Variants in NXPH2 observed in about 807,000 individuals in gnomAD.
NXPH2 encodes the protein neurexophilin-2.
A neutral mutation model predicts 19.8 loss-of-function variants in NXPH2; 5 were observed. That is an observed-to-expected ratio of 0.25 (90% CI 0.13 to 0.53). NXPH2 has a LOEUF of 0.53. Among genes scored for constraint, NXPH2 ranks in the 20% least tolerant of loss-of-function variants. The pLI is 0.96. For synonymous variants in NXPH2, 154 were observed against 127.4 expected (o/e 1.21, Z -1.41); for missense variants, 289 against 322.8 (o/e 0.90, Z 0.80).
At chr2:138,746,878 A>G (rs752734832) in intron 1 of NXPH2, among the ~76,000 whole-genome samples, 3 of 152,146 alleles carry the variant, frequency 2.0e-5, no homozygotes, top group Non-Finnish European at 4.4e-5. Flanking sequence ...AGGGTTTTGA[A>G]GCAGAAGACA....
At chr2:138,720,752 A>G (rs947102734) in intron 1 of NXPH2, among the ~76,000 whole-genome samples, 8 of 152,180 alleles carry the variant, frequency 5.3e-5, no homozygotes, top group African/African-American at 1.9e-4. Flanking sequence ...TTTTCTAGTT[A>G]TAGGATCTTG....
At chr2:138,764,898 GAC>G in intron 1 of NXPH2, among the ~76,000 whole-genome samples, 1 of 152,244 alleles carries the variant, frequency 6.6e-6, no homozygotes, top group African/African-American at 2.4e-5. Context: ...GCCTACTGTA[GAC>G]ACTTAAACTA....
intron 1 of NXPH2, among the ~76,000 whole-genome samples, chr2:138,747,003 A>C (rs2105009608): frequency 6.6e-6 from 1 of 152,250 alleles, no homozygotes; most frequent in Non-Finnish European, 1.5e-5. Flanking sequence ...GTAGATAACA[A>C]CCCAAATCAA....
chr2:138,726,509 TA>T (rs1442489709), intron 1 of NXPH2, among the ~76,000 whole-genome samples: 1 of 121,194 alleles, frequency 8.3e-6, no homozygotes, highest in Admixed American at 9.7e-5. Flanking sequence ...TGGAAAAAAG[TA>T]AAAAAAGAAA....
chr2:138,723,576 C>T (rs1209813158), intron 1 of NXPH2, among the ~76,000 whole-genome samples: 3 of 152,200 alleles, frequency 2.0e-5, no homozygotes, highest in Non-Finnish European at 4.4e-5. Context: ...CTAGTCTTTT[C>T]TAGGGTGGGC....
chr2:138,685,637 C>T (rs1451465066), intron 1 of NXPH2, among the ~76,000 whole-genome samples: 6 of 152,216 alleles, frequency 3.9e-5, no homozygotes, highest in East Asian at 1.9e-4. Context: ...AATCCTCTCA[C>T]ACAAAGCTCA....
chr2:138,675,472 C>T (rs896175791), intron 1 of NXPH2, among the ~76,000 whole-genome samples: 1 of 152,042 alleles, frequency 6.6e-6, no homozygotes, highest in South Asian at 2.1e-4. Context: ...TCTCTTATCA[C>T]TAGTACTTCC....
At chr2:138,685,962 T>C (rs897636748) in intron 1 of NXPH2, among the ~76,000 whole-genome samples, 4 of 152,204 alleles carry the variant, frequency 2.6e-5, no homozygotes, top group Non-Finnish European at 5.9e-5. Flanking sequence ...TTGATCTTAT[T>C]CATCGTATGT....
intron 1 of NXPH2, among the ~76,000 whole-genome samples, chr2:138,753,426 A>T (rs766913542): frequency 1.3e-5 from 2 of 152,060 alleles, no homozygotes; most frequent in African/African-American, 4.8e-5. Flanking sequence ...CCCAGGTTCT[A>T]GAATCAGTCA....
chr2:138,730,780 G>T (rs1254203083), intron 1 of NXPH2, among the ~76,000 whole-genome samples: 1 of 152,150 alleles, frequency 6.6e-6, no homozygotes, highest in Non-Finnish European at 1.5e-5. Context: ...ACAGAGAAAA[G>T]CCATTTCTCT....
At chr2:138,749,127 C>G (rs1016922738) in intron 1 of NXPH2, among the ~76,000 whole-genome samples, 5 of 152,104 alleles carry the variant, frequency 3.3e-5, no homozygotes, top group African/African-American at 9.7e-5. Flanking sequence ...GCAGTTTCCC[C>G]CATGCTATTA....
chr2:138,722,132 C>A (rs1254838611), intron 1 of NXPH2, among the ~76,000 whole-genome samples: 1 of 152,062 alleles, frequency 6.6e-6, no homozygotes, highest in Admixed American at 6.6e-5. Context: ...GTAGACAGAA[C>A]AACAATAAAC....
intron 1 of NXPH2, among the ~76,000 whole-genome samples, chr2:138,702,033 C>CA (rs903089513): frequency 1.3e-5 from 2 of 152,144 alleles, no homozygotes; most frequent in Admixed American, 6.6e-5. Context: ...ACACAGAGGC[C>CA]ACTTTATCAT....
At chr2:138,673,460 T>A (rs1299133182) in intron 1 of NXPH2, among the ~76,000 whole-genome samples, 1 of 152,180 alleles carries the variant, frequency 6.6e-6, no homozygotes, top group Non-Finnish European at 1.5e-5. Flanking sequence ...AATGATTAAG[T>A]CAGAGTATTT....
At position 138,671,440 on chromosome 2, in the gene NXPH2, G is replaced by C. The variant is rs754295800; in HGVS notation, c.277C>G (p.Pro93Ala). 2.1e-5 allele frequency: 34 copies of C among 1,613,742 alleles called. No individual in the cohort carries two copies. Among genetic ancestry groups the C allele is most frequent in the Admixed American group, 1.7e-5 (1 of 59,990 alleles). ...WLANITEIQE[P>A]LARTKRRPIV... ...GGCCTCCGTTTAGTTCTTGCCAATG[G>C]CTCCTGAATCTCCGTGATGTTGGCC... The change falls in exon 2 of 2, where the codon CCA becomes GCA. Residue 93 changes from proline to alanine, a missense_variant. Pro to Ala is a conservative substitution (Grantham distance 27). Coordinates refer to ENST00000272641, the MANE Select transcript of NXPH2 (RefSeq NM_007226.3).
At position 138,669,181 on chromosome 2, in the gene NXPH2, C is replaced by T. The variant is rs1442526968; in HGVS notation, c.*1741G>A. ...ATTAATGTGACAGATCTAGCAAATTCTTTTTATTTACATAAAATGTGTACA... is the reference window on the plus strand; with the variant it reads ...ATTAATGTGACAGATCTAGCAAATTTTTTTTATTTACATAAAATGTGTACA... On this transcript the variant is annotated 3_prime_UTR_variant, in exon 2 of 2. Coordinates refer to ENST00000272641, the MANE Select transcript of NXPH2 (RefSeq NM_007226.3). Among the ~76,000 whole-genome samples, 1 of 151,960 alleles carries T rather than the reference C, an allele frequency of 6.6e-6. No homozygotes were observed. The highest frequency in any genetic ancestry group is 1.5e-5 in the Non-Finnish European group (1 of 68,002).
intron 1 of NXPH2, among the ~76,000 whole-genome samples, chr2:138,672,141 A>C (rs1408446672): frequency 6.6e-6 from 1 of 152,206 alleles, no homozygotes; most frequent in African/African-American, 2.4e-5. Context: ...TTACATTCAA[A>C]GGCTTATAAC....
intron 1 of NXPH2, among the ~76,000 whole-genome samples, chr2:138,753,964 C>T (rs1681862891): frequency 6.6e-6 from 1 of 152,102 alleles, no homozygotes; most frequent in African/African-American, 2.4e-5. Flanking sequence ...ACATCACCCC[C>T]TCCCTATCCT....
intron 1 of NXPH2, among the ~76,000 whole-genome samples, chr2:138,754,310 C>G (rs1220454061): frequency 6.6e-6 from 1 of 152,168 alleles, no homozygotes; most frequent in Non-Finnish European, 1.5e-5. Flanking sequence ...TTTCACCAGA[C>G]TAAAATACAG....
Sources: allele counts gnomAD v4.1 joint callset (sites outside exome capture counted in the v4.1 genomes callset), GRCh38; gene constraint gnomAD v4.1.1; transcripts MANE v1.5; gene names NCBI Gene and HGNC (gene_info 2026-07-23, HGNC 2026-07-21).